RASA2: variants seen among roughly 807,000 people sequenced by gnomAD.
RASA2 encodes RAS p21 protein activator 2, also known as ras GTPase-activating protein 2.
A neutral mutation model predicts 118.2 loss-of-function variants in RASA2; 155 were observed. The ratio of observed to expected loss-of-function variants is 1.31; its 90% CI spans 1.15 to 1.50. The LOEUF is 1.50. Among genes scored for constraint, RASA2 ranks in the 40% most tolerant of loss-of-function variants. The pLI, the probability that RASA2 is intolerant of heterozygous loss-of-function variation, is 0.00. For missense variants in RASA2, 1,016 were observed against 1,009.6 expected (o/e 1.01, Z -0.09); for synonymous variants, 353 against 349.1 (o/e 1.01, Z -0.12).
At chr3:141,590,366 C>G (rs1291302413) in intron 19 of RASA2, among the ~76,000 whole-genome samples, 1 of 152,142 alleles carries the variant, frequency 6.6e-6, no homozygotes, top group Admixed American at 6.6e-5. Context: ...AAGGCTGTGG[C>G]CTTAAATTTC....
At chr3:141,557,855 A>C (rs757344667) in intron 7 of RASA2, among the ~76,000 whole-genome samples, 4 of 152,198 alleles carry the variant, frequency 2.6e-5, no homozygotes, top group Non-Finnish European at 4.4e-5. Context: ...GCTGCCCCCA[A>C]GGTTCCAAAT....
intron 4 of RASA2, among the ~76,000 whole-genome samples, chr3:141,531,418 ATG>A (rs902639214): frequency 6.6e-6 from 1 of 151,524 alleles, no homozygotes; most frequent in African/African-American, 2.4e-5. Context: ...GTGTATATAT[ATG>A]TGTGTGTATA....
intron 3 of RASA2, among the ~76,000 whole-genome samples, chr3:141,517,645 C>T (rs1466886530): frequency 6.6e-6 from 1 of 152,104 alleles, no homozygotes; most frequent in Admixed American, 6.6e-5. Context: ...ATATCGGTGA[C>T]CAATAAATAT....
At chr3:141,520,493 G>A (rs1241123794) in intron 3 of RASA2, among the ~76,000 whole-genome samples, 1 of 152,120 alleles carries the variant, frequency 6.6e-6, no homozygotes, top group Non-Finnish European at 1.5e-5. Context: ...TTATTCTGTA[G>A]ACAGTGGTTT....
intron 19 of RASA2, among the ~76,000 whole-genome samples, chr3:141,606,336 A>G (rs2083548758): frequency 6.6e-6 from 1 of 152,104 alleles, no homozygotes; most frequent in African/African-American, 2.4e-5. Context: ...TGCATTTATG[A>G]TTTATATTTG....
chr3:141,551,516 C>T (rs1252282205), intron 5 of RASA2, among the ~76,000 whole-genome samples: 3 of 152,206 alleles, frequency 2.0e-5, no homozygotes. Flanking sequence ...TTTTCTTTCT[C>T]TGTGCAACTT....
At chr3:141,577,178 A>T (rs1249083670) in intron 15 of RASA2, 72 bp downstream of exon 15, 1 of 1,217,830 alleles carries the variant, frequency 8.2e-7, no homozygotes, top group Non-Finnish European at 1.1e-6. Context: ...AAGATAAAAT[A>T]AACCAATTTC....
intron 1 of RASA2, among the ~76,000 whole-genome samples, chr3:141,508,358 T>C (rs1037339792): frequency 2.6e-5 from 4 of 151,868 alleles, no homozygotes; most frequent in Non-Finnish European, 5.9e-5. Flanking sequence ...TTTGGGCACT[T>C]AATATTAGTG....
intron 9 of RASA2, among the ~76,000 whole-genome samples, chr3:141,569,240 T>A (rs1439783097): frequency 1.3e-5 from 2 of 152,154 alleles, no homozygotes; most frequent in Admixed American, 1.3e-4. Context: ...ATGAAGTATT[T>A]GTAATGGGCA....
intron 15 of RASA2, 38 bp downstream of exon 15, chr3:141,577,144 TTTAA>T: frequency 2.1e-6 from 3 of 1,453,138 alleles, no homozygotes; most frequent in Non-Finnish European, 2.8e-6. Flanking sequence ...ATTCCATTTT[TTTAA>T]TTTTTATTAA....
intron 17 of RASA2, among the ~76,000 whole-genome samples, 183 bp downstream of exon 17, chr3:141,581,360 C>T (rs2083110842): frequency 6.6e-6 from 1 of 151,918 alleles, no homozygotes; most frequent in Non-Finnish European, 1.5e-5. Context: ...TTTGAAAATA[C>T]CTAAATAAGT....
At chr3:141,496,359 A>G (rs563635070) in intron 1 of RASA2, among the ~76,000 whole-genome samples, 52 of 152,342 alleles carry the variant, frequency 3.4e-4, no homozygotes, top group Middle Eastern at 6.8e-3. Context: ...AGCAAAAAAA[A>G]CTACCATCAG....
At position 141,571,406 on chromosome 3, in the gene RASA2, C is replaced by A. The variant is rs2082917604; in HGVS notation, c.1021C>A (p.Pro341Thr). Reference sequence around the variant, plus strand: ...TTGTTTTCTACCTTTCTGTATTTAGCCAATATCTGCCTCAGCTGCTTACAT... The same window carrying A: ...TTGTTTTCTACCTTTCTGTATTTAGACAATATCTGCCTCAGCTGCTTACAT... ...TLLLKSPDVQ[P>T]ISASAAYILS... The change falls in exon 11 of 24, where the codon CCA becomes ACA. Residue 341 changes from proline to threonine, a missense_variant and splice_region_variant. Pro to Thr is a conservative substitution (Grantham distance 38). Transcript: ENST00000286364. 1 of 1,610,902 alleles carries A rather than the reference C, an allele frequency of 6.2e-7. No individual in the cohort carries two copies. The highest frequency in any genetic ancestry group is 1.3e-5 in the African/African-American group (1 of 74,712).
intron 9 of RASA2, among the ~76,000 whole-genome samples, chr3:141,569,702 A>T (rs940791182): frequency 2.6e-5 from 4 of 152,112 alleles, no homozygotes; most frequent in African/African-American, 9.7e-5. Flanking sequence ...ATATTGTGTA[A>T]TGCTGAGGTT....
At chr3:141,552,173 T>A (rs903876948) in intron 5 of RASA2, among the ~76,000 whole-genome samples, 1 of 152,212 alleles carries the variant, frequency 6.6e-6, no homozygotes, top group African/African-American at 2.4e-5. Context: ...TCTTATCGTT[T>A]CATAAGTTTT....
intron 9 of RASA2, among the ~76,000 whole-genome samples, chr3:141,561,236 A>T (rs572359669): frequency 3.9e-5 from 6 of 152,200 alleles, no homozygotes; most frequent in Non-Finnish European, 8.8e-5. Flanking sequence ...TTTTAAAATT[A>T]TGTGCCAGAC....
chr3:141,521,632 A>G (rs925782872), intron 3 of RASA2, among the ~76,000 whole-genome samples: 1 of 152,138 alleles, frequency 6.6e-6, no homozygotes, highest in Non-Finnish European at 1.5e-5. Context: ...TTTAGGTAAA[A>G]TAATTTCTAG....
intron 4 of RASA2, among the ~76,000 whole-genome samples, chr3:141,530,189 C>G (rs781039255): frequency 6.6e-6 from 1 of 152,122 alleles, no homozygotes; most frequent in African/African-American, 2.4e-5. Context: ...TGTTTACTCT[C>G]TAGTAAACTG....
At chr3:141,561,165 C>A (rs1459789012) in intron 9 of RASA2, among the ~76,000 whole-genome samples, 1 of 152,132 alleles carries the variant, frequency 6.6e-6, no homozygotes, top group Non-Finnish European at 1.5e-5. Flanking sequence ...ACCATGTCTT[C>A]CACCTTCCAT....
Sources: allele counts gnomAD v4.1 joint callset (sites outside exome capture counted in the v4.1 genomes callset), GRCh38; gene constraint gnomAD v4.1.1; transcripts MANE v1.5; gene names NCBI Gene and HGNC (gene_info 2026-07-23, HGNC 2026-07-21).